The following SUPT3H variants were observed in gnomAD, a reference collection of about 807,000 sequenced individuals.
The protein encoded by SUPT3H is transcription initiation protein SPT3 homolog.
In SUPT3H, 44 loss-of-function variants were observed where a neutral mutation model predicts 44.3. The ratio of observed to expected loss-of-function variants is 0.99; its 90% CI spans 0.78 to 1.28. SUPT3H has a LOEUF of 1.28. Among genes scored for constraint, SUPT3H ranks in the 50% most tolerant of loss-of-function variants. The pLI is 0.00. For missense variants in SUPT3H, 380 were observed against 387.1 expected (o/e 0.98, Z 0.15); for synonymous variants, 124 against 125.6 (o/e 0.99, Z 0.09).
At chr6:44,912,272 A>G (rs1767172350) in intron 10 of SUPT3H, among the ~76,000 whole-genome samples, 1 of 152,044 alleles carries the variant, frequency 6.6e-6, no homozygotes, top group Non-Finnish European at 1.5e-5. Context: ...CTTCTAATCT[A>G]CTTTCTGCCT....
At chr6:45,092,611 G>C (rs965212177) in intron 3 of SUPT3H, among the ~76,000 whole-genome samples, 10 of 151,914 alleles carry the variant, frequency 6.6e-5, no homozygotes, top group African/African-American at 2.2e-4. Context: ...CTAGCCAGGC[G>C]TGGTGGCAGG....
chr6:45,015,795 GCGCACACACA>G (rs1269290326), intron 4 of SUPT3H, among the ~76,000 whole-genome samples: 4 of 149,540 alleles, frequency 2.7e-5, no homozygotes, highest in African/African-American at 7.4e-5. Flanking sequence ...ACACACGCGC[GCGCACACACA>G]CACACACACA....
At chr6:44,966,020 A>G (rs1431360721) in intron 6 of SUPT3H, among the ~76,000 whole-genome samples, 1 of 152,184 alleles carries the variant, frequency 6.6e-6, no homozygotes, top group Non-Finnish European at 1.5e-5. Context: ...ATCAAACTGT[A>G]ATCCAATTTT....
At chr6:44,973,704 T>C (rs1253249449) in intron 6 of SUPT3H, among the ~76,000 whole-genome samples, 1 of 152,174 alleles carries the variant, frequency 6.6e-6, no homozygotes, top group Admixed American at 6.5e-5. Flanking sequence ...GATTGGGTAA[T>C]TTATAAAGGA....
At position 44,961,750 on chromosome 6, in the gene SUPT3H, TA is replaced by T. The variant is rs1776058271; in HGVS notation, c.580+2del. 4 of 1,602,898 alleles carry T rather than the reference TA, an allele frequency of 2.5e-6. No homozygotes were observed. In the East Asian group the frequency reaches 6.7e-5, roughly 27 times the overall value. Reference sequence around the variant, plus strand: ...AATTAAGCAAAGTTAAATAGTTACTTACAGAAACTTAATTGTCGACTTTCAC... The same window carrying T: ...AATTAAGCAAAGTTAAATAGTTACTTCAGAAACTTAATTGTCGACTTTCAC... On this transcript the variant is annotated splice_donor_variant, in intron 7 of 10. Transcript: ENST00000371459. LOFTEE classifies it high-confidence loss of function.
At chr6:44,923,205 T>C (rs1389628123) in intron 10 of SUPT3H, among the ~76,000 whole-genome samples, 6 of 152,226 alleles carry the variant, frequency 3.9e-5, no homozygotes, top group Non-Finnish European at 5.9e-5. Context: ...TAAAAAGACT[T>C]TGAAATATAT....
intron 2 of SUPT3H, among the ~76,000 whole-genome samples, chr6:45,301,129 T>C (rs927600271): frequency 3.9e-5 from 6 of 152,134 alleles, no homozygotes; most frequent in African/African-American, 1.4e-4. Flanking sequence ...TCTGTGGCAC[T>C]AGTGAGAACT....
intron 9 of SUPT3H, among the ~76,000 whole-genome samples, chr6:44,938,832 A>T (rs1771920768): frequency 6.6e-6 from 1 of 152,056 alleles, no homozygotes; most frequent in African/African-American, 2.4e-5. Context: ...TTTTCTTTGT[A>T]GTACTTTAAA....
At chr6:45,142,735 TCAA>T (rs1805427576) in intron 2 of SUPT3H, among the ~76,000 whole-genome samples, 1 of 9,066 alleles carries the variant, frequency 1.1e-4, no homozygotes, top group Non-Finnish European at 2.0e-4. Flanking sequence ...AAACTCCGTC[TCAA>T]AAAAAAAAAA....
chr6:44,907,122 C>T lies in SUPT3H; in HGVS notation c.912+25531G>A, dbSNP rs547309100. 6.6e-5 allele frequency among the ~76,000 whole-genome samples: 10 copies of T among 152,180 alleles called. No homozygotes were observed. The East Asian group carries it at 1.9e-3, about 29-fold the overall frequency. On this transcript the variant is annotated intron_variant, in intron 10 of 10. Coordinates refer to ENST00000371459, the MANE Select transcript of SUPT3H (RefSeq NM_003599.4). ...TTTGTTATTTTAAAGAAATATGAAG[C>T]CATAACAAAAACCATTATGTTTTTT...
At chr6:44,880,579 A>C (rs763402775) in intron 10 of SUPT3H, among the ~76,000 whole-genome samples, 5 of 152,190 alleles carry the variant, frequency 3.3e-5, no homozygotes, top group Non-Finnish European at 7.3e-5. Context: ...TACAGAGAAC[A>C]CCACAAAGAT....
At chr6:45,173,151 C>G (rs1424284814) in intron 2 of SUPT3H, among the ~76,000 whole-genome samples, 2 of 152,104 alleles carry the variant, frequency 1.3e-5, no homozygotes, top group African/African-American at 4.8e-5. Context: ...AAAAAAAACA[C>G]TGTTTTAATA....
chr6:44,980,357 T>G (rs997410481), intron 6 of SUPT3H, among the ~76,000 whole-genome samples: 1 of 152,198 alleles, frequency 6.6e-6, no homozygotes, highest in Non-Finnish European at 1.5e-5. Context: ...TTTTTTTCTT[T>G]GTCCCTCATC....
At chr6:45,055,570 G>A (rs1790983726) in intron 3 of SUPT3H, among the ~76,000 whole-genome samples, 1 of 152,140 alleles carries the variant, frequency 6.6e-6, no homozygotes, top group Non-Finnish European at 1.5e-5. Flanking sequence ...ATAAAGTGGG[G>A]AAAGGACACC....
At chr6:45,357,428 G>A (rs546489828) in intron 2 of SUPT3H, among the ~76,000 whole-genome samples, 4 of 149,758 alleles carry the variant, frequency 2.7e-5, no homozygotes, top group African/African-American at 9.7e-5. Flanking sequence ...CCTCCTAGGT[G>A]CAAGTGATCC....
At chr6:45,322,873 T>A (rs1584910011) in intron 2 of SUPT3H, 2 of 1,611,064 alleles carry the variant, frequency 1.2e-6, no homozygotes, top group Non-Finnish European at 1.7e-6. Flanking sequence ...AGAGCCTCTG[T>A]CTCACCTGTC....
intron 5 of SUPT3H, among the ~76,000 whole-genome samples, chr6:45,009,627 C>T (rs1048303114): frequency 2.6e-5 from 4 of 152,156 alleles, no homozygotes; most frequent in Non-Finnish European, 4.4e-5. Flanking sequence ...ATCCTAAATG[C>T]TCATTACTGA....
intron 3 of SUPT3H, among the ~76,000 whole-genome samples, chr6:45,077,648 G>GAAAAA (rs5875907): frequency 8.5e-5 from 9 of 105,742 alleles, no homozygotes; most frequent in Non-Finnish European, 1.9e-5. Context: ...AAAAAGAAAA[G>GAAAAA]AAAAAAAAAA....
intron 2 of SUPT3H, among the ~76,000 whole-genome samples, chr6:45,331,022 T>C (rs1787370948): frequency 6.6e-6 from 1 of 151,966 alleles, no homozygotes; most frequent in African/African-American, 2.4e-5. Context: ...TTTTGTAAAA[T>C]AGTTAAAAAG....
Sources: gnomAD v4.1 joint callset for allele counts (sites outside exome capture counted in the v4.1 genomes callset) on GRCh38, gnomAD v4.1.1 for gene constraint, MANE v1.5 for transcripts, NCBI Gene and HGNC (gene_info 2026-07-23, HGNC 2026-07-21) for gene names.